The following TENM4 variants were observed in gnomAD, a reference collection of about 807,000 sequenced individuals.
The protein encoded by TENM4 is teneurin transmembrane protein 4.
TENM4 carries 82 observed loss-of-function variants against 243.3 expected under a neutral mutation model. The observed-to-expected ratio is 0.34, with a 90% CI of 0.28 to 0.40. TENM4 has a LOEUF of 0.40. Among genes scored for constraint, TENM4 ranks in the 10% least tolerant of loss-of-function variants. The pLI is 1.00. For missense variants in TENM4, 3,138 were observed against 3,673.3 expected (o/e 0.85, Z 3.77); for synonymous variants, 1,412 against 1,456.3 (o/e 0.97, Z 0.69).
intron 4 of TENM4, among the ~76,000 whole-genome samples, chr11:79,117,188 A>G (rs1861639770): frequency 6.6e-6 from 1 of 152,010 alleles, no homozygotes. Flanking sequence ...AGCAGTAACC[A>G]CCCCACTGGG....
At chr11:79,371,138 G>T (rs910140437) in intron 1 of TENM4, among the ~76,000 whole-genome samples, 1 of 152,248 alleles carries the variant, frequency 6.6e-6, no homozygotes, top group Non-Finnish European at 1.5e-5. Flanking sequence ...AAAATAGAGA[G>T]CTCTGTCTCA....
Position 78,785,497 on chromosome 11 carries a change from G to A in TENM4, c.2365+1401C>T, listed in dbSNP as rs77036458. On this transcript the variant is annotated intron_variant, in intron 16 of 33. Coordinates refer to ENST00000278550, the MANE Select transcript of TENM4 (RefSeq NM_001098816.3). The stretch of plus-strand genomic sequence containing the variant: ...AGCAGCTGGTAAGGAAAAATCGAGT[G>A]TCAAATTCCTGCTCTACCTCTTTGA... Among the ~76,000 whole-genome samples, 37 of 152,264 alleles carry A rather than the reference G, an allele frequency of 2.4e-4. No homozygotes were observed. The East Asian group carries it at 7.1e-3, about 29-fold the overall frequency.
intron 1 of TENM4, among the ~76,000 whole-genome samples, chr11:79,324,832 C>T (rs1422074048): frequency 6.6e-6 from 1 of 152,058 alleles, no homozygotes; most frequent in Non-Finnish European, 1.5e-5. Context: ...GCAGAGGACA[C>T]AGAGAATATC....
intron 9 of TENM4, among the ~76,000 whole-genome samples, chr11:78,887,479 A>T (rs1039954014): frequency 6.6e-6 from 1 of 152,246 alleles, no homozygotes; most frequent in Non-Finnish European, 1.5e-5. Flanking sequence ...TAGTGACTAT[A>T]TATTTAACCC....
At chr11:79,037,694 CT>C (rs1859422880) in intron 6 of TENM4, among the ~76,000 whole-genome samples, 1 of 152,086 alleles carries the variant, frequency 6.6e-6, no homozygotes, top group African/African-American at 2.4e-5. Flanking sequence ...CTATTAATAC[CT>C]TTTCTCCCAA....
At chr11:78,751,974 C>T (rs771799660) in intron 19 of TENM4, among the ~76,000 whole-genome samples, 30 of 152,290 alleles carry the variant, frequency 2.0e-4, no homozygotes, top group East Asian at 5.8e-4. Context: ...AGATGGGACC[C>T]GGGCATCCAG....
rs765696833 is a variant in TENM4 at position 78,756,872 on chromosome 11, G to C, written c.2689C>G (p.Arg897Gly). The C allele has an allele frequency of 6.2e-7, 1 of 1,613,904 alleles. No homozygotes were observed. The highest frequency in any genetic ancestry group is 1.3e-5 in the African/African-American group (1 of 75,020). ...SQQNLHSFYD[R>G]IKFLVGRDST... ...TCCCTGCCCACGAGGAACTTGATGC[G>C]GTCATAGAAGGAGTGTAGGTTCTGC... The change falls in exon 19 of 34, where the codon CGC becomes GGC. Residue 897 changes from arginine to glycine, a missense_variant. Coordinates refer to ENST00000278550, the MANE Select transcript of TENM4 (RefSeq NM_001098816.3).
At chr11:79,032,439 T>C (rs987597776) in intron 6 of TENM4, among the ~76,000 whole-genome samples, 3 of 152,160 alleles carry the variant, frequency 2.0e-5, no homozygotes, top group East Asian at 1.9e-4. Context: ...AGTACAGGCC[T>C]GGAAGCACAG....
Position 78,999,251 on chromosome 11 carries a change from C to T in TENM4, c.493+65487G>A, listed in dbSNP as rs145452923. On this transcript the variant is annotated intron_variant, in intron 6 of 33. Coordinates refer to ENST00000278550, the MANE Select transcript of TENM4 (RefSeq NM_001098816.3). ...ACAATGGGCTGGGCGGGGTGGCTCA[C>T]GCCCGTAATCCTAGCACTTTGGGAG... 9.5e-3 allele frequency among the ~76,000 whole-genome samples: 1,448 copies of T among 152,324 alleles called. 34 individuals are homozygous for T. The highest frequency in any genetic ancestry group is 0.033 in the African/African-American group (1,369 of 41,574).
At chr11:78,731,439 C>G (rs1855665935) in intron 21 of TENM4, among the ~76,000 whole-genome samples, 1 of 152,166 alleles carries the variant, frequency 6.6e-6, no homozygotes, top group Middle Eastern at 3.2e-3. Context: ...GTTTGCTCAG[C>G]CAGGCATGAA....
chr11:79,022,537 C>T (rs1487738113), intron 6 of TENM4, among the ~76,000 whole-genome samples: 1 of 152,190 alleles, frequency 6.6e-6, no homozygotes, highest in Admixed American at 6.5e-5. Flanking sequence ...GCCCTGGAAA[C>T]CTTTCAGTGT....
intron 6 of TENM4, among the ~76,000 whole-genome samples, chr11:79,025,274 AAT>A (rs1859045955): frequency 6.6e-6 from 1 of 152,046 alleles, no homozygotes; most frequent in Non-Finnish European, 1.5e-5. Context: ...TGAATGAATG[AAT>A]GAATGAATGA....
chr11:79,364,856 G>GTAAA (rs1857649535), intron 1 of TENM4, among the ~76,000 whole-genome samples: 1 of 152,108 alleles, frequency 6.6e-6, no homozygotes. Flanking sequence ...TTACCACTTT[G>GTAAA]TAAATCTCTT....
At chr11:79,024,632 G>C (rs1356417500) in intron 6 of TENM4, among the ~76,000 whole-genome samples, 1 of 152,180 alleles carries the variant, frequency 6.6e-6, no homozygotes, top group African/African-American at 2.4e-5. Context: ...AGTGGATTGA[G>C]AGTATTGCTT....
At chr11:79,109,585 G>A (rs1861457442) in intron 4 of TENM4, among the ~76,000 whole-genome samples, 1 of 152,208 alleles carries the variant, frequency 6.6e-6, no homozygotes, top group African/African-American at 2.4e-5. Context: ...CCCAGCCCAC[G>A]CAAGCGAGCC....
At chr11:79,231,140 A>G (rs1864365563) in intron 2 of TENM4, among the ~76,000 whole-genome samples, 1 of 152,226 alleles carries the variant, frequency 6.6e-6, no homozygotes, top group African/African-American at 2.4e-5. Context: ...GGGACATGGA[A>G]CTGGCAAAAT....
rs113366387 is a variant in TENM4, at chr11:79,004,445, A to G, written c.493+60293T>C. Among the ~76,000 whole-genome samples, 180 of 152,324 alleles carry G rather than the reference A, an allele frequency of 1.2e-3. 1 individual carries two copies. Among genetic ancestry groups the G allele is most frequent in the African/African-American group, 4.1e-3 (171 of 41,580 alleles). ...GGACCACAGCACAATAAAAATAGAAATCAATACTGAGAAAATTGCACAAAA... is the reference window on the plus strand; with the variant it reads ...GGACCACAGCACAATAAAAATAGAAGTCAATACTGAGAAAATTGCACAAAA... On this transcript the variant is annotated intron_variant, in intron 6 of 33. Coordinates refer to ENST00000278550, the MANE Select transcript of TENM4 (RefSeq NM_001098816.3).
At chr11:78,947,213 C>T (rs1857018637) in intron 6 of TENM4, among the ~76,000 whole-genome samples, 1 of 152,152 alleles carries the variant, frequency 6.6e-6, no homozygotes, top group South Asian at 2.1e-4. Context: ...TGACCACACA[C>T]CTGTATGGTC....
intron 6 of TENM4, among the ~76,000 whole-genome samples, chr11:79,019,890 G>A (rs761655052): frequency 6.6e-6 from 1 of 152,172 alleles, no homozygotes; most frequent in Non-Finnish European, 1.5e-5. Flanking sequence ...TAAGCCTGGA[G>A]CCTGGGGGTG....
Sources: gnomAD v4.1 joint callset for allele counts (sites outside exome capture counted in the v4.1 genomes callset) on GRCh38, gnomAD v4.1.1 for gene constraint, MANE v1.5 for transcripts, NCBI Gene and HGNC (gene_info 2026-07-23, HGNC 2026-07-21) for gene names.